The following ZCCHC7 variants were observed in gnomAD, a reference collection of about 807,000 sequenced individuals.
ZCCHC7 encodes zinc finger CCHC-type containing 7.
Under a neutral mutation model 52.0 loss-of-function variants are expected in ZCCHC7, and 35 were observed. The ratio of observed to expected loss-of-function variants is 0.67; its 90% CI spans 0.51 to 0.89. The LOEUF (loss-of-function observed/expected upper bound fraction) is 0.89. Ranked by LOEUF, ZCCHC7 falls within the 40% of genes least tolerant of loss-of-function variation. The pLI is 0.00. For synonymous variants in ZCCHC7, 217 were observed against 221.5 expected (o/e 0.98, Z 0.18); for missense variants, 574 against 649.1 (o/e 0.88, Z 1.26).
At chr9:37,153,697 C>T (rs1820664028) in intron 2 of ZCCHC7, among the ~76,000 whole-genome samples, 1 of 151,398 alleles carries the variant, frequency 6.6e-6, no homozygotes, top group South Asian at 2.1e-4. Flanking sequence ...TTTTTTAAAG[C>T]ACTTCGTTAC....
intron 5 of ZCCHC7, among the ~76,000 whole-genome samples, chr9:37,325,237 G>A (rs1830195795): frequency 1.3e-5 from 2 of 152,186 alleles, no homozygotes; most frequent in Non-Finnish European, 2.9e-5. Context: ...AGTACACTTT[G>A]TATGTTTTCA....
chr9:37,163,540 A>G (rs903317447), intron 2 of ZCCHC7, among the ~76,000 whole-genome samples: 2 of 152,268 alleles, frequency 1.3e-5, no homozygotes, highest in Middle Eastern at 3.4e-3. Context: ...TGTCGTTCTG[A>G]TATTTGTGCA....
At chr9:37,219,022 C>A (rs907420307) in intron 2 of ZCCHC7, among the ~76,000 whole-genome samples, 4 of 150,544 alleles carry the variant, frequency 2.7e-5, no homozygotes, top group African/African-American at 4.9e-5. Flanking sequence ...CAAGATTGCA[C>A]CACTGTGCTC....
At chr9:37,256,266 C>G (rs1826582547) in intron 2 of ZCCHC7, among the ~76,000 whole-genome samples, 1 of 152,138 alleles carries the variant, frequency 6.6e-6, no homozygotes, top group Non-Finnish European at 1.5e-5. Flanking sequence ...TCTTTATATA[C>G]TAGCCAACAG....
At chr9:37,276,289 C>T (rs1827681292) in intron 2 of ZCCHC7, among the ~76,000 whole-genome samples, 1 of 152,158 alleles carries the variant, frequency 6.6e-6, no homozygotes, top group African/African-American at 2.4e-5. Flanking sequence ...GGACAGATAT[C>T]TCCTTCCACA....
chr9:37,326,497 G>A (rs1380509616), intron 5 of ZCCHC7, among the ~76,000 whole-genome samples: 1 of 136,118 alleles, frequency 7.3e-6, no homozygotes, highest in Non-Finnish European at 1.5e-5. Flanking sequence ...GCTTTCTATA[G>A]GAGCAGTCTA....
chr9:37,269,225 A>G (rs749970131), intron 2 of ZCCHC7, among the ~76,000 whole-genome samples: 2 of 152,178 alleles, frequency 1.3e-5, no homozygotes, highest in Non-Finnish European at 2.9e-5. Flanking sequence ...AGGCCATGTT[A>G]AGGTTTTGAA....
rs564432256 is a variant in ZCCHC7, at chr9:37,129,048, T to G, written c.610+2106T>G. 3.3e-5 allele frequency among the ~76,000 whole-genome samples: 5 copies of G among 152,370 alleles called. No homozygotes were observed. The East Asian group carries it at 9.6e-4, about 29-fold the overall frequency. On this transcript the variant is annotated intron_variant, in intron 2 of 8. Coordinates refer to ENST00000336755, the MANE Select transcript of ZCCHC7 (RefSeq NM_032226.3). Reference sequence around the variant, plus strand: ...ATTCTCTGTGTACATCTACAGAATATTTCCATTTGGGTATCTTACTGTCTC... The same window carrying G: ...ATTCTCTGTGTACATCTACAGAATAGTTCCATTTGGGTATCTTACTGTCTC...
intron 2 of ZCCHC7, among the ~76,000 whole-genome samples, chr9:37,219,820 C>T (rs1824717199): frequency 6.6e-6 from 1 of 152,156 alleles, no homozygotes; most frequent in African/African-American, 2.4e-5. Context: ...CTGGAATAGT[C>T]TATTTAGCTT....
At chr9:37,132,026 C>T (rs980799619) in intron 2 of ZCCHC7, among the ~76,000 whole-genome samples, 2 of 152,136 alleles carry the variant, frequency 1.3e-5, no homozygotes, top group East Asian at 3.9e-4. Flanking sequence ...CTTTCCTAAG[C>T]CTTCTTTATA....
intron 2 of ZCCHC7, among the ~76,000 whole-genome samples, chr9:37,136,081 C>T (rs1842984453): frequency 6.6e-6 from 1 of 151,864 alleles, no homozygotes; most frequent in Non-Finnish European, 1.5e-5. Context: ...TAGTTTCTAC[C>T]TTGCCTGGCT....
chr9:37,140,270 C>T (rs1480439581), intron 2 of ZCCHC7, among the ~76,000 whole-genome samples: 1 of 151,844 alleles, frequency 6.6e-6, no homozygotes, highest in South Asian at 2.1e-4. Flanking sequence ...AATAAAAATT[C>T]GTTGTTCTGA....
At chr9:37,340,019 G>A (rs912738600) in intron 6 of ZCCHC7, among the ~76,000 whole-genome samples, 2 of 152,128 alleles carry the variant, frequency 1.3e-5, no homozygotes, top group African/African-American at 4.8e-5. Flanking sequence ...CCTTTGTCAT[G>A]GAGATTCCTA....
At chr9:37,297,548 A>G (rs1290339376) in intron 2 of ZCCHC7, among the ~76,000 whole-genome samples, 6 of 152,214 alleles carry the variant, frequency 3.9e-5, no homozygotes, top group Admixed American at 1.3e-4. Context: ...TTGGTGAAAT[A>G]TAATAATGAG....
At chr9:37,327,777 G>A in intron 5 of ZCCHC7, 22 bp from the exon 6 acceptor site, 1 of 1,612,688 alleles carries the variant, frequency 6.2e-7, no homozygotes, top group Non-Finnish European at 8.5e-7. Flanking sequence ...GCTCCCAGCT[G>A]ATCAATATTT....
rs144696889 is a variant in ZCCHC7 at position 37,320,130 on chromosome 9, T to C, written c.952-7669T>C. On this transcript the variant is annotated intron_variant, in intron 5 of 8. Transcript: ENST00000336755. Reference sequence around the variant, plus strand: ...TCTCACTCTGTTGCCCAGGCTAGAGTGCAGTGGCACTGTGTTGGCTCACTG... The same window carrying C: ...TCTCACTCTGTTGCCCAGGCTAGAGCGCAGTGGCACTGTGTTGGCTCACTG... Among the ~76,000 whole-genome samples the C allele has an allele frequency of 3.0e-3, 450 of 152,328 alleles. 1 individual carries two copies. Among genetic ancestry groups the C allele is most frequent in the Middle Eastern group, 0.01 (3 of 294 alleles).
At chr9:37,233,539 T>C (rs187003439) in intron 2 of ZCCHC7, among the ~76,000 whole-genome samples, 2 of 152,340 alleles carry the variant, frequency 1.3e-5, no homozygotes, top group African/African-American at 2.4e-5. Flanking sequence ...TTTGAACAAT[T>C]AGAGGTTATG....
chr9:37,357,380 T>G lies in ZCCHC7; in HGVS notation c.*112T>G. On this transcript the variant is annotated 3_prime_UTR_variant, in exon 9 of 9. Transcript: ENST00000336755. Reference sequence around the variant, plus strand: ...ATTAAATAAAGTGAGTTTTTGGTTTTGTTTTTTTAATTTCAGCCATTCCTA... The same window carrying G: ...ATTAAATAAAGTGAGTTTTTGGTTTGGTTTTTTTAATTTCAGCCATTCCTA... The G allele has an allele frequency of 9.0e-7, 1 of 1,106,516 alleles. No homozygotes were observed. The highest frequency in any genetic ancestry group is 2.6e-5 in the East Asian group (1 of 38,444). The allele number at this position is 1,106,516 out of a possible 1,614,324, so 68.5% of individuals were successfully genotyped here. A position where few individuals can be genotyped will look rare whatever the true frequency, so the allele number is the denominator to read the frequency against.
chr9:37,137,464 A>G (rs1177277511), intron 2 of ZCCHC7, among the ~76,000 whole-genome samples: 1 of 152,218 alleles, frequency 6.6e-6, no homozygotes, highest in East Asian at 1.9e-4. Context: ...AAATGTTTTA[A>G]TAGTATATCT....
Sources: gnomAD v4.1 joint callset for allele counts (sites outside exome capture counted in the v4.1 genomes callset) on GRCh38, gnomAD v4.1.1 for gene constraint, MANE v1.5 for transcripts, NCBI Gene and HGNC (gene_info 2026-07-23, HGNC 2026-07-21) for gene names.